The following GNAO1 variants were observed in gnomAD, a reference collection of about 807,000 sequenced individuals.
GNAO1 encodes the protein guanine nucleotide-binding protein G(o) subunit alpha.
For missense variants in GNAO1, 166 were observed against 478.7 expected, an observed-to-expected ratio of 0.35 and a Z score of 6.10; for synonymous variants, 164 against 180.7, an observed-to-expected ratio of 0.91 and a Z score of 0.74.
intron 6 of GNAO1, among the ~76,000 whole-genome samples, chr16:56,349,203 G>T (rs1314895213): frequency 1.3e-5 from 2 of 152,198 alleles, no homozygotes; most frequent in Non-Finnish European, 2.9e-5. Flanking sequence ...GGCCAAGGGG[G>T]CACAGTCCCC....
intron 2 of GNAO1, among the ~76,000 whole-genome samples, chr16:56,199,316 C>T: frequency 6.6e-6 from 1 of 152,188 alleles, no homozygotes; most frequent in Non-Finnish European, 1.5e-5. Context: ...ACTTTTCATG[C>T]AGACATGGTT....
intron 3 of GNAO1, chr16:56,277,161 G>A (rs2037067629): frequency 6.6e-6 from 1 of 152,260 alleles, no homozygotes; most frequent in Non-Finnish European, 1.5e-5. Context: ...CAGGTACTGG[G>A]GAATTGGGTG....
intron 2 of GNAO1, among the ~76,000 whole-genome samples, chr16:56,208,455 G>A (rs1004135362): frequency 1.4e-4 from 21 of 147,050 alleles, no homozygotes; most frequent in South Asian, 4.5e-4. Context: ...GTGTGCGCGC[G>A]CGCGCACGTG....
At chr16:56,304,504 G>C (rs2037375200) in intron 3 of GNAO1, among the ~76,000 whole-genome samples, 1 of 152,156 alleles carries the variant, frequency 6.6e-6, no homozygotes, top group Admixed American at 6.5e-5. Flanking sequence ...CATGTCCATT[G>C]TTCCTAACAA....
chr16:56,322,766 G>A (rs1420600484), intron 3 of GNAO1, among the ~76,000 whole-genome samples: 2 of 152,032 alleles, frequency 1.3e-5, no homozygotes, highest in Non-Finnish European at 2.9e-5. Context: ...AAGCTCCCTC[G>A]CCTAAGCAGG....
intron 6 of GNAO1, among the ~76,000 whole-genome samples, chr16:56,348,737 G>A (rs2037895993): frequency 6.6e-6 from 1 of 152,216 alleles, no homozygotes; most frequent in Non-Finnish European, 1.5e-5. Flanking sequence ...AGGCCTGGGG[G>A]GCTGGCAGGG....
At chr16:56,263,023 C>A (rs2036918016) in intron 2 of GNAO1, among the ~76,000 whole-genome samples, 1 of 152,142 alleles carries the variant, frequency 6.6e-6, no homozygotes, top group African/African-American at 2.4e-5. Flanking sequence ...GTGTCCTGAC[C>A]CTTAGAAACC....
intron 3 of GNAO1, chr16:56,308,140 G>C (rs557165906): frequency 6.6e-6 from 1 of 152,354 alleles, no homozygotes; most frequent in South Asian, 2.1e-4. Flanking sequence ...TCCCCAGCCT[G>C]TGTCATGGGA....
intron 2 of GNAO1, among the ~76,000 whole-genome samples, chr16:56,223,523 A>G (rs2036509272): frequency 6.6e-6 from 1 of 152,214 alleles, no homozygotes; most frequent in Admixed American, 6.5e-5. Flanking sequence ...GCATCTGCAA[A>G]GTCCCTTTGG....
At chr16:56,290,913 TCTTG>T (rs1242911700) in intron 3 of GNAO1, among the ~76,000 whole-genome samples, 1 of 152,254 alleles carries the variant, frequency 6.6e-6, no homozygotes, top group Non-Finnish European at 1.5e-5. Context: ...CTCTTTTGCA[TCTTG>T]CTTCTTTCAC....
intron 5 of GNAO1, 48 bp from the exon 6 acceptor site, chr16:56,336,683 C>T (rs754090582): frequency 5.2e-6 from 8 of 1,548,814 alleles, no homozygotes; most frequent in South Asian, 2.4e-5. Context: ...CCCCAGGCAG[C>T]CCTCACCTGC....
intron 2 of GNAO1, among the ~76,000 whole-genome samples, chr16:56,203,738 G>A (rs996076017): frequency 3.3e-5 from 5 of 152,176 alleles, no homozygotes; most frequent in Non-Finnish European, 5.9e-5. Flanking sequence ...AGATCACGCT[G>A]ACGAAAAGCA....
chr16:56,329,280 A>G (rs1201405611), intron 4 of GNAO1: 1 of 152,818 alleles, frequency 6.5e-6, no homozygotes, highest in East Asian at 1.9e-4. Flanking sequence ...TCTAATTAAT[A>G]TAATAAATGT....
chr16:56,333,500 G>A (rs776262712), intron 4 of GNAO1, among the ~76,000 whole-genome samples: 13 of 152,170 alleles, frequency 8.5e-5, no homozygotes, highest in Non-Finnish European at 1.5e-4. Flanking sequence ...GTGAGCCACC[G>A]CACCCGGCTG....
chr16:56,265,969 G>A (rs1447356240), intron 2 of GNAO1, among the ~76,000 whole-genome samples: 2 of 152,090 alleles, frequency 1.3e-5, no homozygotes, highest in African/African-American at 4.8e-5. Flanking sequence ...CGGGGCCTTT[G>A]CTCTTGCTGC....
At chr16:56,205,219 TGTTCCACAGGGAGAAGTGCTGAAGGTG>T (rs2036316392) in intron 2 of GNAO1, among the ~76,000 whole-genome samples, 1 of 152,214 alleles carries the variant, frequency 6.6e-6, no homozygotes, top group Non-Finnish European at 1.5e-5. Flanking sequence ...GGTTTGACGC[TGTTCCACAGGGAGAAGTGCTGAAGGTG>T]GTTCCACAGT....
intron 2 of GNAO1, among the ~76,000 whole-genome samples, chr16:56,258,246 C>T (rs183267047): frequency 2.6e-4 from 39 of 152,276 alleles, no homozygotes; most frequent in African/African-American, 7.9e-4. Context: ...TGTTTTAGCT[C>T]CCAGCTCTGC....
At position 56,297,109 on chromosome 16, in the gene GNAO1, C is replaced by T. The variant is rs139970536; in HGVS notation, c.303+21037C>T. 2.4e-4 allele frequency among the ~76,000 whole-genome samples: 36 copies of T among 152,322 alleles called. No homozygotes were observed. The East Asian group carries it at 6.9e-3, about 29-fold the overall frequency. On this transcript the variant is annotated intron_variant, in intron 3 of 8. Transcript: ENST00000262493. ...CCATCAGCTAACTGAGAAAACCGCC[C>T]TTTGGGAGTAGGACACGGGATTCCC...
intron 3 of GNAO1, chr16:56,301,808 C>T (rs1283547082): frequency 1.3e-5 from 2 of 152,120 alleles, no homozygotes; most frequent in African/African-American, 2.4e-5. Flanking sequence ...TTACTATTGT[C>T]ACTGAGTGTG....
Sources: gnomAD v4.1 joint callset for allele counts (sites outside exome capture counted in the v4.1 genomes callset) on GRCh38, gnomAD v4.1.1 for gene constraint, MANE v1.5 for transcripts, NCBI Gene and HGNC (gene_info 2026-07-23, HGNC 2026-07-21) for gene names.